The following CTNNA3 variants were observed in gnomAD, a reference collection of about 807,000 sequenced individuals.
The protein encoded by CTNNA3 is catenin alpha 3, also known as catenin alpha-3.
Under a neutral mutation model 95.7 loss-of-function variants are expected in CTNNA3, and 76 were observed. The ratio of observed to expected loss-of-function variants is 0.79; its 90% CI spans 0.66 to 0.96. The LOEUF (loss-of-function observed/expected upper bound fraction) is 0.96, where lower values mean the gene tolerates loss of function less well. CTNNA3 is among the 40% of genes least tolerant of loss of function. The pLI is 0.00. For missense variants in CTNNA3, 1,191 were observed against 1,089.8 expected, an observed-to-expected ratio of 1.09 and a Z score of -1.31; for synonymous variants, 431 against 374.4, an observed-to-expected ratio of 1.15 and a Z score of -1.74.
intron 11 of CTNNA3, among the ~76,000 whole-genome samples, chr10:66,429,665 C>G (rs1382931635): frequency 6.6e-6 from 1 of 152,122 alleles, no homozygotes; most frequent in Non-Finnish European, 1.5e-5. Flanking sequence ...ATGATTATTT[C>G]GATAGATGCA....
At chr10:66,049,640 T>C (rs1407166946) in intron 15 of CTNNA3, among the ~76,000 whole-genome samples, 1 of 152,204 alleles carries the variant, frequency 6.6e-6, no homozygotes, top group Non-Finnish European at 1.5e-5. Context: ...ATGTCTTTTA[T>C]GGGAACATGG....
chr10:67,439,283 T>C (rs1450492513), intron 5 of CTNNA3, among the ~76,000 whole-genome samples: 2 of 152,132 alleles, frequency 1.3e-5, no homozygotes, highest in African/African-American at 4.8e-5. Flanking sequence ...AAGAAATACC[T>C]GAGGCTGAAA....
At chr10:67,547,871 C>A (rs563976232) in intron 3 of CTNNA3, among the ~76,000 whole-genome samples, 3 of 152,236 alleles carry the variant, frequency 2.0e-5, no homozygotes, top group Admixed American at 6.5e-5. Context: ...ACATTGCTGA[C>A]AAATTAAAGA....
At chr10:67,164,079 T>TA (rs1421799115) in intron 7 of CTNNA3, among the ~76,000 whole-genome samples, 2 of 122,278 alleles carry the variant, frequency 1.6e-5, no homozygotes, top group Non-Finnish European at 3.1e-5. Context: ...ATAATTCTTA[T>TA]AAAACCTAAG....
At chr10:66,656,744 C>T (rs898314212) in intron 9 of CTNNA3, among the ~76,000 whole-genome samples, 4 of 151,962 alleles carry the variant, frequency 2.6e-5, no homozygotes, top group African/African-American at 9.7e-5. Flanking sequence ...GACTGCTAGA[C>T]CTGGGCTTTC....
chr10:66,125,662 C>T (rs2082789061), intron 13 of CTNNA3, among the ~76,000 whole-genome samples: 2 of 152,092 alleles, frequency 1.3e-5, no homozygotes, highest in Admixed American at 1.3e-4. Flanking sequence ...GAGTATTCTT[C>T]ATAAATATAA....
At chr10:66,216,080 C>T (rs975805106) in intron 13 of CTNNA3, among the ~76,000 whole-genome samples, 1 of 152,226 alleles carries the variant, frequency 6.6e-6, no homozygotes, top group African/African-American at 2.4e-5. Flanking sequence ...TCTTGATTAA[C>T]CCCTGTTCAG....
At chr10:67,737,578 T>A (rs1841309710) in intron 1 of CTNNA3, among the ~76,000 whole-genome samples, 1 of 151,990 alleles carries the variant, frequency 6.6e-6, no homozygotes, top group South Asian at 2.1e-4. Context: ...GGCAACCCCA[T>A]CAAAAAGTGG....
At chr10:66,100,085 G>T (rs1299347730) in intron 14 of CTNNA3, among the ~76,000 whole-genome samples, 1 of 152,026 alleles carries the variant, frequency 6.6e-6, no homozygotes, top group Non-Finnish European at 1.5e-5. Flanking sequence ...TTGGAAGGTA[G>T]TTTGTTTTGG....
intron 12 of CTNNA3, among the ~76,000 whole-genome samples, chr10:66,295,013 G>C (rs1310932748): frequency 6.6e-6 from 1 of 152,064 alleles, no homozygotes; most frequent in East Asian, 1.9e-4. Flanking sequence ...TTTGAAAGAG[G>C]AACTTGGTAG....
intron 17 of CTNNA3, among the ~76,000 whole-genome samples, chr10:65,929,826 C>A (rs966096967): frequency 6.6e-6 from 1 of 152,046 alleles, no homozygotes; most frequent in African/African-American, 2.4e-5. Context: ...CTTGGCCTCC[C>A]AAAGTGTTAG....
At chr10:66,102,213 A>G (rs2133740734) in intron 14 of CTNNA3, among the ~76,000 whole-genome samples, 1 of 152,304 alleles carries the variant, frequency 6.6e-6, no homozygotes, top group East Asian at 1.9e-4. Context: ...GAATTTAACT[A>G]ACTTAATAAT....
chr10:67,079,108 A>G (rs1856899388), intron 7 of CTNNA3, among the ~76,000 whole-genome samples: 2 of 152,302 alleles, frequency 1.3e-5, no homozygotes, highest in Admixed American at 6.5e-5. Context: ...GGAATAATCC[A>G]TATTTATAAG....
chr10:66,233,142 A>C (rs1000147632), intron 13 of CTNNA3, among the ~76,000 whole-genome samples: 1 of 115,336 alleles, frequency 8.7e-6, no homozygotes, highest in African/African-American at 3.5e-5. Flanking sequence ...CCTGGGTGAC[A>C]GAGCAAGACT....
intron 5 of CTNNA3, among the ~76,000 whole-genome samples, chr10:67,379,792 C>A (rs1249248835): frequency 6.6e-6 from 1 of 151,892 alleles, no homozygotes; most frequent in Non-Finnish European, 1.5e-5. Flanking sequence ...GAGGCCGAGG[C>A]GGGCGGATCA....
At chr10:66,862,471 A>G (rs73323601) in intron 7 of CTNNA3, among the ~76,000 whole-genome samples, 241 of 152,176 alleles carry the variant, frequency 1.6e-3, no homozygotes, top group African/African-American at 5.6e-3. Flanking sequence ...AGGGGATACT[A>G]CTCTAGAATG....
At chr10:65,988,925 A>G in intron 15 of CTNNA3, 128 bp from the exon 16 acceptor site, 2 of 612,550 alleles carry the variant, frequency 3.3e-6, no homozygotes, top group Non-Finnish European at 5.7e-6. Flanking sequence ...TTCGCATCCC[A>G]AAGAACGGCT....
intron 7 of CTNNA3, among the ~76,000 whole-genome samples, chr10:66,869,210 T>C (rs761894352): frequency 2.6e-5 from 4 of 152,230 alleles, no homozygotes; most frequent in African/African-American, 4.8e-5. Flanking sequence ...TTTTTTGTCA[T>C]GTCCTCAAAT....
intron 7 of CTNNA3, among the ~76,000 whole-genome samples, chr10:67,043,131 CTTTCTTTTT>C (rs1854509561): frequency 1.7e-5 from 1 of 60,210 alleles, no homozygotes. Context: ...GGCTCACTTT[CTTTCTTTTT>C]TTTTTTTTTT....
Sources: allele counts gnomAD v4.1 joint callset (sites outside exome capture counted in the v4.1 genomes callset), GRCh38; gene constraint gnomAD v4.1.1; transcripts MANE v1.5; gene names NCBI Gene and HGNC (gene_info 2026-07-23, HGNC 2026-07-21).